PSD3: variants seen among roughly 807,000 people sequenced by gnomAD.
PSD3 encodes pleckstrin and Sec7 domain containing 3, also known as PH and SEC7 domain-containing protein 3.
In PSD3, 49 loss-of-function variants were observed where a neutral mutation model predicts 105.5. That is an observed-to-expected ratio of 0.46 (90% CI 0.37 to 0.59). PSD3 has a LOEUF of 0.59. PSD3 is among the 20% of genes least tolerant of loss of function. The pLI is 0.00. For synonymous variants in PSD3, 557 were observed against 457.8 expected, an observed-to-expected ratio of 1.22 and a Z score of -2.77; for missense variants, 1,561 against 1,263.8, an observed-to-expected ratio of 1.24 and a Z score of -3.57.
chr8:18,854,254 G>A (rs1043800044), intron 4 of PSD3: 4 of 152,734 alleles, frequency 2.6e-5, no homozygotes, highest in Non-Finnish European at 4.4e-5. Flanking sequence ...CACTGACTCC[G>A]CAGTGACATT....
chr8:18,725,703 C>T (rs1333839770), intron 9 of PSD3, among the ~76,000 whole-genome samples: 1 of 152,080 alleles, frequency 6.6e-6, no homozygotes, highest in Non-Finnish European at 1.5e-5. Context: ...TGAATTCCTC[C>T]AGCACTAAAC....
intron 1 of PSD3, among the ~76,000 whole-genome samples, chr8:18,975,178 G>C (rs1296606543): frequency 6.6e-6 from 1 of 152,096 alleles, no homozygotes; most frequent in Non-Finnish European, 1.5e-5. Context: ...TAAGGAAAAG[G>C]TCTCTGCCTA....
At chr8:18,650,451 A>G (rs1585502045) in intron 10 of PSD3, among the ~76,000 whole-genome samples, 1 of 152,364 alleles carries the variant, frequency 6.6e-6, no homozygotes, top group Middle Eastern at 3.4e-3. Context: ...ACTAATAATG[A>G]ACAATTGAGC....
chr8:18,950,923 C>A (rs1198714664), intron 1 of PSD3, among the ~76,000 whole-genome samples: 1 of 152,028 alleles, frequency 6.6e-6, no homozygotes. Context: ...TGCTCTAGGG[C>A]CGAGCTGCAA....
intron 10 of PSD3, among the ~76,000 whole-genome samples, chr8:18,649,076 G>A (rs1204717020): frequency 2.0e-5 from 3 of 152,220 alleles, no homozygotes; most frequent in Admixed American, 6.5e-5. Context: ...TGTGGGGTTG[G>A]TGCCCCAACA....
At chr8:18,764,974 C>A (rs148346478) in intron 9 of PSD3, among the ~76,000 whole-genome samples, 1 of 152,224 alleles carries the variant, frequency 6.6e-6, no homozygotes, top group Non-Finnish European at 1.5e-5. Flanking sequence ...AATAATAAAG[C>A]CAAATGCAAA....
chr8:18,937,222 G>A (rs569625916), intron 1 of PSD3, among the ~76,000 whole-genome samples: 1 of 152,272 alleles, frequency 6.6e-6, no homozygotes, highest in East Asian at 1.9e-4. Context: ...AAAGAAATTT[G>A]ACCTAGCACA....
chr8:18,816,435 G>A (rs1403444860), intron 4 of PSD3, among the ~76,000 whole-genome samples: 2 of 152,140 alleles, frequency 1.3e-5, no homozygotes, highest in African/African-American at 4.8e-5. Flanking sequence ...TAACTAATAA[G>A]CTATGTGGCT....
intron 2 of PSD3, among the ~76,000 whole-genome samples, chr8:18,907,905 A>G (rs541561128): frequency 4.9e-4 from 74 of 152,286 alleles, no homozygotes; most frequent in African/African-American, 1.8e-3. Context: ...GCTAAGCTGG[A>G]TTTAATTTTT....
chr8:18,541,010 C>T (rs947786110), intron 15 of PSD3, among the ~76,000 whole-genome samples: 4 of 152,058 alleles, frequency 2.6e-5, no homozygotes, highest in Admixed American at 6.6e-5. Flanking sequence ...TCCCTCCCCT[C>T]CCTCACCTCT....
At chr8:18,748,165 T>G (rs1585819041) in intron 9 of PSD3, among the ~76,000 whole-genome samples, 1 of 150,718 alleles carries the variant, frequency 6.6e-6, no homozygotes, top group African/African-American at 2.5e-5. Flanking sequence ...TTAGCCCTTA[T>G]GTATACACAC....
At chr8:18,592,733 G>A (rs780393360) in intron 12 of PSD3, among the ~76,000 whole-genome samples, 4 of 152,060 alleles carry the variant, frequency 2.6e-5, no homozygotes, top group East Asian at 1.9e-4. Flanking sequence ...TGCCACACAA[G>A]CATATTACAT....
At chr8:18,693,202 C>CA (rs2131001811) in intron 9 of PSD3, among the ~76,000 whole-genome samples, 2 of 152,296 alleles carry the variant, frequency 1.3e-5, no homozygotes, top group East Asian at 3.9e-4. Context: ...TTCTATGAAT[C>CA]AGACCAGCTT....
intron 1 of PSD3, among the ~76,000 whole-genome samples, chr8:19,074,595 A>T: frequency 8.3e-5 from 1 of 12,098 alleles, no homozygotes; most frequent in East Asian, 2.8e-3. Flanking sequence ...ATATATACAT[A>T]TATATATATA....
At chr8:18,849,766 C>T (rs1815419741) in intron 4 of PSD3, 3 of 152,154 alleles carry the variant, frequency 2.0e-5, no homozygotes, top group Admixed American at 2.0e-4. Flanking sequence ...TATGACTTCC[C>T]TCATGTCTAA....
At chr8:18,745,079 G>A (rs944679188) in intron 9 of PSD3, among the ~76,000 whole-genome samples, 1 of 152,208 alleles carries the variant, frequency 6.6e-6, no homozygotes, top group Non-Finnish European at 1.5e-5. Flanking sequence ...ATGTTGAGAT[G>A]CCTTGCCACT....
chr8:18,647,060 C>G (rs1808088994), intron 10 of PSD3, among the ~76,000 whole-genome samples: 1 of 152,182 alleles, frequency 6.6e-6, no homozygotes, highest in Non-Finnish European at 1.5e-5. Flanking sequence ...CACACTCACA[C>G]CTTCATGGGC....
At chr8:18,751,872 G>C (rs943205546) in intron 9 of PSD3, among the ~76,000 whole-genome samples, 1 of 148,648 alleles carries the variant, frequency 6.7e-6, no homozygotes, top group East Asian at 2.0e-4. Flanking sequence ...AGCCTAACAG[G>C]CCAAATAAAC....
At chr8:18,896,335 G>A (rs1048789463) in intron 2 of PSD3, among the ~76,000 whole-genome samples, 1 of 152,222 alleles carries the variant, frequency 6.6e-6, no homozygotes, top group Non-Finnish European at 1.5e-5. Context: ...TATATACCAA[G>A]TGGTAGGATT....
Sources: gnomAD v4.1 joint callset for allele counts (sites outside exome capture counted in the v4.1 genomes callset) on GRCh38, gnomAD v4.1.1 for gene constraint, MANE v1.5 for transcripts, NCBI Gene and HGNC (gene_info 2026-07-23, HGNC 2026-07-21) for gene names.